Variants in CCDC83 observed in about 807,000 individuals in gnomAD.
The protein encoded by CCDC83 is coiled-coil domain-containing protein 83.
In CCDC83, 54 loss-of-function variants were observed where a neutral mutation model predicts 50.1. The ratio of observed to expected loss-of-function variants is 1.08; its 90% CI spans 0.87 to 1.35. CCDC83 has a LOEUF of 1.35. CCDC83 is among the 40% of genes most tolerant of loss of function. The pLI is 0.00. For synonymous variants in CCDC83, 161 were observed against 153.3 expected, an observed-to-expected ratio of 1.05 and a Z score of -0.37; for missense variants, 518 against 473.9, an observed-to-expected ratio of 1.09 and a Z score of -0.86.
intron 1 of CCDC83, among the ~76,000 whole-genome samples, chr11:85,864,677 C>T (rs1024518077): frequency 6.6e-6 from 1 of 152,104 alleles, no homozygotes; most frequent in Non-Finnish European, 1.5e-5. Context: ...CTAGCTTCTT[C>T]GTGCTCATAG....
At chr11:85,900,359 G>GT (rs554971952) in intron 7 of CCDC83, among the ~76,000 whole-genome samples, 395 of 152,286 alleles carry the variant, frequency 2.6e-3, no homozygotes, top group South Asian at 5.0e-3. Flanking sequence ...AAGGTTTCTA[G>GT]TGTAGACCTT....
intron 7 of CCDC83, among the ~76,000 whole-genome samples, chr11:85,904,815 C>A (rs1019500674): frequency 2.0e-5 from 3 of 152,168 alleles, no homozygotes; most frequent in African/African-American, 7.2e-5. Flanking sequence ...CTACTCTTTC[C>A]TTTTTCTTGC....
At chr11:85,892,407 T>G (rs959820207) in intron 5 of CCDC83, among the ~76,000 whole-genome samples, 35 of 152,194 alleles carry the variant, frequency 2.3e-4, no homozygotes, top group African/African-American at 8.4e-4. Flanking sequence ...AGGCTAACAA[T>G]GAGATTCTCA....
At chr11:85,917,169 A>AGAGAGAGAG (rs759852369) in intron 10 of CCDC83, among the ~76,000 whole-genome samples, 2 of 90,164 alleles carry the variant, frequency 2.2e-5, no homozygotes, top group African/African-American at 8.8e-5. Flanking sequence ...AGAGAGAGAG[A>AGAGAGAGAG]AAGAAAGAAA....
At chr11:85,889,499 G>A (rs978076884) in intron 5 of CCDC83, among the ~76,000 whole-genome samples, 3 of 152,212 alleles carry the variant, frequency 2.0e-5, no homozygotes, top group African/African-American at 7.2e-5. Context: ...TGGTTGTTAT[G>A]GGCTTGTGTT....
intron 5 of CCDC83, among the ~76,000 whole-genome samples, chr11:85,889,162 G>A (rs1025008682): frequency 1.3e-5 from 2 of 152,176 alleles, no homozygotes; most frequent in Non-Finnish European, 2.9e-5. Flanking sequence ...AGACAAGCCT[G>A]AGCAACAGGG....
intron 5 of CCDC83, among the ~76,000 whole-genome samples, chr11:85,892,323 A>C (rs2093354213): frequency 1.3e-5 from 2 of 152,230 alleles, no homozygotes; most frequent in African/African-American, 4.8e-5. Flanking sequence ...GGAGACTTTT[A>C]CATGCCCCAC....
At chr11:85,861,113 TGAATTCCCAA>T (rs1484211524) in intron 1 of CCDC83, among the ~76,000 whole-genome samples, 1 of 152,264 alleles carries the variant, frequency 6.6e-6, no homozygotes, top group African/African-American at 2.4e-5. Flanking sequence ...CATCTCTTTT[TGAATTCCCAA>T]GATGAGGGTT....
chr11:85,881,884 G>A (rs1370378166), intron 3 of CCDC83, among the ~76,000 whole-genome samples: 1 of 152,122 alleles, frequency 6.6e-6, no homozygotes, highest in Non-Finnish European at 1.5e-5. Flanking sequence ...TGCTTATCTT[G>A]TTTGGGGTAT....
intron 7 of CCDC83, among the ~76,000 whole-genome samples, chr11:85,901,466 A>G (rs2093401542): frequency 6.6e-6 from 1 of 151,960 alleles, no homozygotes; most frequent in Non-Finnish European, 1.5e-5. Flanking sequence ...CCAAATACCC[A>G]GGAGGCTGAA....
At chr11:85,868,261 C>T (rs11234454) in intron 2 of CCDC83, among the ~76,000 whole-genome samples, 1 of 151,994 alleles carries the variant, frequency 6.6e-6, no homozygotes, top group South Asian at 2.1e-4. Flanking sequence ...TCTTGCCCCC[C>T]GTTTTCTACA....
intron 3 of CCDC83, among the ~76,000 whole-genome samples, chr11:85,881,255 C>T (rs1279392198): frequency 1.3e-5 from 2 of 151,914 alleles, no homozygotes; most frequent in Non-Finnish European, 2.9e-5. Flanking sequence ...CGTCTATAAT[C>T]CCAGCTACTT....
At chr11:85,870,937 C>T (rs112077592) in intron 2 of CCDC83, among the ~76,000 whole-genome samples, 21,292 of 152,130 alleles carry the variant, frequency 0.14, 1,804 homozygotes, top group Middle Eastern at 0.2. Flanking sequence ...GAGGCTGAGG[C>T]AGGTGGATCA....
At chr11:85,881,159 A>T (rs1442696833) in intron 3 of CCDC83, among the ~76,000 whole-genome samples, 1 of 152,124 alleles carries the variant, frequency 6.6e-6, no homozygotes, top group Non-Finnish European at 1.5e-5. Flanking sequence ...ACCTGAGGTC[A>T]AGAGTTCGAG....
intron 7 of CCDC83, among the ~76,000 whole-genome samples, chr11:85,908,598 GAT>G (rs2093436822): frequency 7.3e-6 from 1 of 136,756 alleles, no homozygotes; most frequent in Non-Finnish European, 1.6e-5. Flanking sequence ...TAGATAGATA[GAT>G]AGATAGATAG....
rs144170869 is a variant in CCDC83 at position 85,882,656 on chromosome 11, C to A, written c.324C>A (p.Asp108Glu). ...AGGAAAAATGGAAGTTTGAAAGAGA[C>A]CAGGAAAAAAACTTGAGAGGTGATT... ...AMKEKWKFER[D>E]QEKNLRDMRM... Residue 108 changes from aspartate (D) to glutamate (E), a missense_variant, in exon 4 of 11, where the codon GAC becomes GAA. Coordinates refer to ENST00000342404, the MANE Select transcript of CCDC83 (RefSeq NM_001286159.2). 12 of 1,612,690 alleles carry A rather than the reference C, an allele frequency of 7.4e-6. No homozygotes were observed. In the African/African-American group the frequency reaches 1.1e-4, roughly 14 times the overall value.
intron 10 of CCDC83, 127 bp from the exon 11 acceptor site, chr11:85,919,222 A>T (rs1713209330): frequency 2.5e-6 from 2 of 816,110 alleles, no homozygotes; most frequent in African/African-American, 3.5e-5. Flanking sequence ...GCTACACAGC[A>T]TCAGGCAATT....
chr11:85,862,013 A>AT (rs1263266554), intron 1 of CCDC83, among the ~76,000 whole-genome samples: 9 of 150,590 alleles, frequency 6.0e-5, no homozygotes, highest in African/African-American at 2.2e-4. Context: ...AAAAAAAAAA[A>AT]AAAAAAAAGA....
intron 6 of CCDC83, among the ~76,000 whole-genome samples, chr11:85,896,096 T>C (rs1215623856): frequency 6.6e-6 from 1 of 152,206 alleles, no homozygotes; most frequent in East Asian, 1.9e-4. Context: ...ATTTGTATTA[T>C]ACCAGTTGAG....
Sources: allele counts gnomAD v4.1 joint callset (sites outside exome capture counted in the v4.1 genomes callset), GRCh38; gene constraint gnomAD v4.1.1; transcripts MANE v1.5; gene names NCBI Gene and HGNC (gene_info 2026-07-23, HGNC 2026-07-21).